The following GLI2 variants were observed in gnomAD, a reference collection of about 807,000 sequenced individuals.
GLI2 encodes transcription activator GLI2.
A neutral mutation model predicts 78.9 loss-of-function variants in GLI2; 22 were observed. The observed-to-expected ratio is 0.28, with a 90% confidence interval of 0.20 to 0.40. The LOEUF (loss-of-function observed/expected upper bound fraction) is 0.40, where lower values mean the gene tolerates loss of function less well. GLI2 is among the 10% of genes least tolerant of loss of function. The pLI is 1.00. For synonymous variants in GLI2, 974 were observed against 963.7 expected, an observed-to-expected ratio of 1.01 and a Z score of -0.20; for missense variants, 2,097 against 2,213.2, an observed-to-expected ratio of 0.95 and a Z score of 1.05.
At chr2:120,776,153 C>T (rs1192972521) in intron 1 of GLI2, among the ~76,000 whole-genome samples, 4 of 152,244 alleles carry the variant, frequency 2.6e-5, no homozygotes, top group Non-Finnish European at 1.5e-5. Flanking sequence ...TGGCAGGAGG[C>T]GATGGCATGG....
intron 1 of GLI2, among the ~76,000 whole-genome samples, chr2:120,786,327 T>C (rs1247758009): frequency 6.6e-6 from 1 of 152,132 alleles, no homozygotes; most frequent in Non-Finnish European, 1.5e-5. Flanking sequence ...TCACATTGTT[T>C]GAAGAGGTGA....
intron 1 of GLI2, among the ~76,000 whole-genome samples, chr2:120,772,104 GGC>G (rs989683776): frequency 6.6e-6 from 1 of 152,168 alleles, no homozygotes; most frequent in African/African-American, 2.4e-5. Flanking sequence ...TCTGTGCTAG[GGC>G]AGTTTGATTG....
At chr2:120,736,738 G>A (rs964871043) in intron 1 of GLI2, among the ~76,000 whole-genome samples, 3 of 152,156 alleles carry the variant, frequency 2.0e-5, no homozygotes, top group Admixed American at 2.0e-4. Context: ...GCTGCAGCCA[G>A]CCACTTGAGA....
chr2:120,766,545 C>T (rs1015724416), intron 1 of GLI2, among the ~76,000 whole-genome samples: 2 of 152,172 alleles, frequency 1.3e-5, no homozygotes, highest in African/African-American at 4.8e-5. Flanking sequence ...AAAGGCCCTC[C>T]CCTGATAGCC....
chr2:120,932,234 A>G (rs1297197666), intron 3 of GLI2, among the ~76,000 whole-genome samples: 1 of 152,190 alleles, frequency 6.6e-6, no homozygotes, highest in African/African-American at 2.4e-5. Context: ...CAAATGAGGT[A>G]CGGTGTCATC....
At chr2:120,904,849 A>G (rs1432257511) in intron 2 of GLI2, among the ~76,000 whole-genome samples, 2 of 151,964 alleles carry the variant, frequency 1.3e-5, no homozygotes, top group African/African-American at 4.8e-5. Flanking sequence ...GTCTCTCCCA[A>G]CTCTATTGGC....
At chr2:120,957,433 TGAGA>T (rs760686393) in intron 5 of GLI2, among the ~76,000 whole-genome samples, 8 of 152,356 alleles carry the variant, frequency 5.3e-5, no homozygotes, top group East Asian at 1.9e-4. Flanking sequence ...TCAGAGATAC[TGAGA>T]GAAAGTTGTG....
intron 1 of GLI2, among the ~76,000 whole-genome samples, chr2:120,792,622 A>G (rs1482618471): frequency 1.3e-5 from 2 of 152,024 alleles, no homozygotes; most frequent in Non-Finnish European, 2.9e-5. Context: ...CTTGTAGATT[A>G]TTTATTTATT....
chr2:120,833,537 C>T (rs1686468006), intron 2 of GLI2, among the ~76,000 whole-genome samples: 1 of 152,188 alleles, frequency 6.6e-6, no homozygotes, highest in Admixed American at 6.5e-5. Context: ...ATCAGGCTGC[C>T]TTTGCAGGGC....
Position 120,866,086 on chromosome 2 carries a change from C to A in GLI2, c.149-61275C>A, listed in dbSNP as rs72835588. 5.4e-3 allele frequency among the ~76,000 whole-genome samples: 826 copies of A among 152,364 alleles called. 5 individuals carry two copies. Among genetic ancestry groups the A allele is most frequent in the Non-Finnish European group, 7.7e-3 (525 of 68,036 alleles). On this transcript the variant is annotated intron_variant, in intron 2 of 13. Transcript: ENST00000361492. ...GGCCCATGCAGGCCTGAGCTGATTTCTTGGCTTAAGATGGGGTCCCATAGC... is the reference window on the plus strand; with the variant it reads ...GGCCCATGCAGGCCTGAGCTGATTTATTGGCTTAAGATGGGGTCCCATAGC...
chr2:120,817,183 C>A (rs576498192), intron 2 of GLI2, among the ~76,000 whole-genome samples: 1 of 152,214 alleles, frequency 6.6e-6, no homozygotes, highest in African/African-American at 2.4e-5. Flanking sequence ...GCCATCCTTC[C>A]TCCTAATCCC....
chr2:120,785,457 G>A (rs1385121929), intron 1 of GLI2, among the ~76,000 whole-genome samples: 1 of 152,210 alleles, frequency 6.6e-6, no homozygotes, highest in Non-Finnish European at 1.5e-5. Context: ...GAAGGGCTGG[G>A]TGCAGGCATC....
At chr2:120,839,364 G>T (rs182129588) in intron 2 of GLI2, among the ~76,000 whole-genome samples, 2 of 152,210 alleles carry the variant, frequency 1.3e-5, no homozygotes, top group East Asian at 3.9e-4. Context: ...TTATTTAATG[G>T]TTAGAGGTAA....
chr2:120,842,707 A>G (rs1449193993), intron 2 of GLI2, among the ~76,000 whole-genome samples: 1 of 152,246 alleles, frequency 6.6e-6, no homozygotes, highest in Non-Finnish European at 1.5e-5. Flanking sequence ...GGCTAAACCT[A>G]TAGTTACAAG....
intron 2 of GLI2, among the ~76,000 whole-genome samples, chr2:120,879,182 T>C (rs553779840): frequency 6.6e-6 from 1 of 152,266 alleles, no homozygotes; most frequent in South Asian, 2.1e-4. Flanking sequence ...TTCTATGGCT[T>C]ATGTGCTTTC....
At chr2:120,767,327 T>C (rs1573357897) in intron 1 of GLI2, among the ~76,000 whole-genome samples, 1 of 117,804 alleles carries the variant, frequency 8.5e-6, no homozygotes, top group Non-Finnish European at 1.8e-5. Context: ...AGCAGGGTGC[T>C]GGGCTGGGTG....
chr2:120,858,537 G>A (rs1210955079), intron 2 of GLI2, among the ~76,000 whole-genome samples: 3 of 152,316 alleles, frequency 2.0e-5, no homozygotes, highest in East Asian at 1.9e-4. Flanking sequence ...CTTGGCCACC[G>A]GCCTGCTAGT....
At chr2:120,988,062 A>G (rs1190312936) in intron 13 of GLI2, 146 bp from the exon 14 acceptor site, 3 of 672,736 alleles carry the variant, frequency 4.5e-6, no homozygotes, top group Middle Eastern at 4.3e-4. Flanking sequence ...TAAAAAGAGA[A>G]AGAGAGAAAG....
At chr2:120,777,615 G>A (rs1224500774) in intron 1 of GLI2, among the ~76,000 whole-genome samples, 9 of 151,838 alleles carry the variant, frequency 5.9e-5, no homozygotes, top group Non-Finnish European at 1.3e-4. Flanking sequence ...TGGAGGGACA[G>A]TGATGAGTGG....
Sources: gnomAD v4.1 joint callset for allele counts (sites outside exome capture counted in the v4.1 genomes callset) on GRCh38, gnomAD v4.1.1 for gene constraint, MANE v1.5 for transcripts, NCBI Gene and HGNC (gene_info 2026-07-23, HGNC 2026-07-21) for gene names.